Variants in NTRK3 observed in about 807,000 individuals in gnomAD.
The protein encoded by NTRK3 is neurotrophic receptor tyrosine kinase 3.
A neutral mutation model predicts 91.7 loss-of-function variants in NTRK3; 24 were observed. The ratio of observed to expected loss-of-function variants is 0.26; its 90% confidence interval spans 0.19 to 0.37. NTRK3 has a LOEUF of 0.37. NTRK3 is among the 10% of genes least tolerant of loss of function. The pLI, the probability that NTRK3 is intolerant of heterozygous loss-of-function variation, is 1.00. For synonymous variants in NTRK3, 483 were observed against 404.0 expected, an observed-to-expected ratio of 1.20 and a Z score of -2.34; for missense variants, 880 against 1,068.9, an observed-to-expected ratio of 0.82 and a Z score of 2.46.
intron 18 of NTRK3, among the ~76,000 whole-genome samples, 166 bp downstream of exon 19, chr15:87,880,104 C>A (rs1263435253): frequency 6.6e-6 from 1 of 151,472 alleles, no homozygotes; most frequent in Non-Finnish European, 1.5e-5. Flanking sequence ...CCTACAGTTC[C>A]ATTTTTTTTT....
intron 14 of NTRK3, among the ~76,000 whole-genome samples, chr15:87,961,212 A>G (rs1315799843): frequency 1.3e-5 from 2 of 152,184 alleles, no homozygotes; most frequent in South Asian, 2.1e-4. Context: ...AATGTGGTAT[A>G]TGACTTCCCT....
At chr15:88,143,284 G>C (rs897588773) in intron 6 of NTRK3, among the ~76,000 whole-genome samples, 1 of 152,130 alleles carries the variant, frequency 6.6e-6, no homozygotes, top group African/African-American at 2.4e-5. Context: ...GACAGGGATG[G>C]CAGGCACGTG....
chr15:87,941,864 C>A (rs2069898695), intron 14 of NTRK3, among the ~76,000 whole-genome samples: 1 of 152,230 alleles, frequency 6.6e-6, no homozygotes, highest in South Asian at 2.1e-4. Context: ...CAGGAGATTA[C>A]TCACTGACCT....
At chr15:88,135,973 T>C (rs758497443) in exon 9 of NTRK3, 5 of 1,614,260 alleles carry the variant, frequency 3.1e-6, no homozygotes, top group South Asian at 2.2e-5. Context: ...GGTGAAGCCA[T>C]TGTCCTCACT....
At chr15:88,022,425 C>A (rs2141899404) in intron 14 of NTRK3, among the ~76,000 whole-genome samples, 1 of 152,270 alleles carries the variant, frequency 6.6e-6, no homozygotes, top group Admixed American at 6.5e-5. Flanking sequence ...AGAATTATGA[C>A]CCTTTAAAAC....
chr15:88,097,876 C>A (rs2049784016), intron 13 of NTRK3, among the ~76,000 whole-genome samples: 1 of 152,172 alleles, frequency 6.6e-6, no homozygotes, highest in African/African-American at 2.4e-5. Context: ...GGTGCTAGCA[C>A]AAGGGTGATT....
chr15:88,158,160 G>C (rs987662827), intron 5 of NTRK3, among the ~76,000 whole-genome samples: 2 of 152,190 alleles, frequency 1.3e-5, no homozygotes, highest in Non-Finnish European at 2.9e-5. Context: ...GGATTAAATG[G>C]GGTATGGACG....
chr15:87,876,963 G>A (rs1378163546), exon 19 of NTRK3: 1 of 1,613,820 alleles, frequency 6.2e-7, no homozygotes. Flanking sequence ...GTAGATTGGG[G>A]TGGCCTTCCC....
At chr15:87,925,426 C>A (rs2068211046) in intron 17 of NTRK3, 1 of 173,642 alleles carries the variant, frequency 5.8e-6, no homozygotes, top group Admixed American at 6.7e-5. Flanking sequence ...ACTGGGCAGG[C>A]AAGCACACGT....
At chr15:88,078,945 G>C (rs1013530038) in intron 13 of NTRK3, among the ~76,000 whole-genome samples, 3 of 152,238 alleles carry the variant, frequency 2.0e-5, no homozygotes, top group Non-Finnish European at 4.4e-5. Flanking sequence ...CATGCGATGG[G>C]GCACCCCAGT....
At chr15:88,016,431 T>G (rs1282181352) in intron 14 of NTRK3, among the ~76,000 whole-genome samples, 1 of 152,226 alleles carries the variant, frequency 6.6e-6, no homozygotes, top group Non-Finnish European at 1.5e-5. Context: ...CCCATCACCT[T>G]TTCTTATGAA....
intron 3 of NTRK3, among the ~76,000 whole-genome samples, chr15:88,229,249 A>G (rs1476113959): frequency 6.6e-6 from 1 of 152,044 alleles, no homozygotes; most frequent in Admixed American, 6.6e-5. Flanking sequence ...TCTAACAACC[A>G]CCCTGGGGGA....
At chr15:88,055,027 A>T (rs551432604) in intron 13 of NTRK3, among the ~76,000 whole-genome samples, 126 of 152,166 alleles carry the variant, frequency 8.3e-4, no homozygotes, top group Admixed American at 3.7e-3. Context: ...GAGCCCAAAC[A>T]CTTCCCTGTG....
rs912426130 is a variant in NTRK3, at chr15:88,103,424, A to C, written c.1396+22847T>G. Among the ~76,000 whole-genome samples the C allele has an allele frequency of 8.6e-5, 13 of 152,002 alleles. 1 individual carries two copies. Among genetic ancestry groups the C allele is most frequent in the Non-Finnish European group, 1.3e-4 (9 of 68,000 alleles). ...CACTACTGCTTGAGCCAATTCCTTA[A>C]AATAAATCACACACACACAACGACG... On this transcript the variant is annotated intron_variant, in intron 13 of 18. Coordinates refer to ENST00000394480, the Ensembl canonical transcript of NTRK3.
intron 14 of NTRK3, among the ~76,000 whole-genome samples, chr15:88,027,612 G>C (rs1054070998): frequency 7.9e-5 from 12 of 152,126 alleles, no homozygotes; most frequent in Middle Eastern, 3.2e-3. Flanking sequence ...TCGATCTCTG[G>C]ACCTCGTGAT....
chr15:88,108,983 T>C (rs1297874297), intron 13 of NTRK3, among the ~76,000 whole-genome samples: 4 of 152,218 alleles, frequency 2.6e-5, no homozygotes, highest in Non-Finnish European at 4.4e-5. Context: ...TCCCTCTCTC[T>C]GCCCATCCAC....
At position 88,214,662 on chromosome 15, in the gene NTRK3, A is replaced by G. The variant is rs1371678028; in HGVS notation, c.249-30363T>C. Among the ~76,000 whole-genome samples, 4 of 4,724 alleles carry G rather than the reference A, an allele frequency of 8.5e-4. No individual in the cohort carries two copies. In the South Asian group the frequency reaches 0.021, roughly 25 times the overall value. 3.1% of individuals were successfully genotyped at this position (4,724 alleles called of 152,430 possible). A position where few individuals can be genotyped will look rare whatever the true frequency, so the allele number is the denominator to read the frequency against. Reference sequence around the variant, plus strand: ...TTTGAGCCAGGAAAAAATAAAGCAGAAAAAAAAAAAAAAACAGAGAGAATA... The same window carrying G: ...TTTGAGCCAGGAAAAAATAAAGCAGGAAAAAAAAAAAAAACAGAGAGAATA... On this transcript the variant is annotated intron_variant, in intron 3 of 18. Coordinates refer to ENST00000394480, the Ensembl canonical transcript of NTRK3.
rs78701351 is a variant in NTRK3, at chr15:88,182,599, A to T, written c.395+819T>A. ...CTCTGCTCTTTGGGAACATGCCCAAAGGGTGTCCGAGATGGCCACTATCCT... is the reference window on the plus strand; with the variant it reads ...CTCTGCTCTTTGGGAACATGCCCAATGGGTGTCCGAGATGGCCACTATCCT... On this transcript the variant is annotated intron_variant, in intron 5 of 18. Transcript: ENST00000394480. Among the ~76,000 whole-genome samples the T allele has an allele frequency of 6.9e-3, 1,045 of 152,252 alleles. 13 individuals carry two copies. Among genetic ancestry groups the T allele is most frequent in the African/African-American group, 0.024 (989 of 41,544 alleles).
In NTRK3 at chr15:88,240,140, C is replaced by G. The variant is rs77371562; in HGVS notation, c.248+15766G>C. On this transcript the variant is annotated intron_variant, in intron 3 of 18. Coordinates refer to ENST00000394480, the Ensembl canonical transcript of NTRK3. The surrounding 1 kb of genome is among the most constrained non-coding windows in gnomAD (Gnocchi z 4.9). ...CCCCTCCCCTCCCCCACAGGATTGC[C>G]CCCAGAGAAACCCAGGGCTGCTGCA... is the stretch of plus-strand genomic sequence containing the variant. Among the ~76,000 whole-genome samples, 1 of 151,480 alleles carries G rather than the reference C, an allele frequency of 6.6e-6. No individual in the cohort carries two copies. Among genetic ancestry groups the G allele is most frequent in the African/African-American group, 2.4e-5 (1 of 41,180 alleles).
Sources: allele counts gnomAD v4.1 joint callset (sites outside exome capture counted in the v4.1 genomes callset), GRCh38; gene constraint gnomAD v4.1.1; non-coding constraint Gnocchi (gnomAD v3.1); transcripts MANE v1.5; gene names NCBI Gene and HGNC (gene_info 2026-07-23, HGNC 2026-07-21).